The following CDK14 variants were observed in gnomAD, a reference collection of about 807,000 sequenced individuals.
CDK14 encodes the protein cyclin-dependent kinase 14.
A neutral mutation model predicts 60.7 loss-of-function variants in CDK14; 34 were observed. The observed-to-expected ratio is 0.56, with a 90% CI of 0.43 to 0.75. CDK14 has a LOEUF of 0.75. Ranked by LOEUF, CDK14 falls within the 30% of genes least tolerant of loss-of-function variation. The pLI, the probability that CDK14 is intolerant of heterozygous loss-of-function variation, is 0.00. For missense variants in CDK14, 482 were observed against 564.1 expected (o/e 0.85, Z 1.47); for synonymous variants, 197 against 203.7 (o/e 0.97, Z 0.28).
intron 4 of CDK14, among the ~76,000 whole-genome samples, chr7:90,775,613 A>T (rs1804992498): frequency 9.5e-6 from 1 of 105,230 alleles, no homozygotes; most frequent in African/African-American, 3.6e-5. Flanking sequence ...AAAAACGAAA[A>T]TACCTCCTCC....
At chr7:90,799,890 A>G (rs999851883) in intron 5 of CDK14, among the ~76,000 whole-genome samples, 1 of 152,106 alleles carries the variant, frequency 6.6e-6, no homozygotes, top group African/African-American at 2.4e-5. Context: ...GGACATGGGA[A>G]AAAATTTATT....
chr7:90,702,790 A>C (rs915413496), intron 2 of CDK14, among the ~76,000 whole-genome samples: 1 of 152,194 alleles, frequency 6.6e-6, no homozygotes, highest in Non-Finnish European at 1.5e-5. Context: ...AGTATGTACT[A>C]CATAAGTGGC....
rs193099113 is a variant in CDK14 at position 90,809,339 on chromosome 7, A to G, written c.544+18687A>G. Reference sequence around the variant, plus strand: ...AACTCACTCAAAACCGCTCAACTACATGGAAACTGAACAACCTGCTCCCGA... The same window carrying G: ...AACTCACTCAAAACCGCTCAACTACGTGGAAACTGAACAACCTGCTCCCGA... On this transcript the variant is annotated intron_variant, in intron 5 of 14. Transcript: ENST00000380050. 5.1e-3 allele frequency among the ~76,000 whole-genome samples: 782 copies of G among 152,318 alleles called. 5 individuals carry two copies. Among genetic ancestry groups the G allele is most frequent in the Non-Finnish European group, 6.6e-3 (449 of 68,026 alleles).
intron 5 of CDK14, among the ~76,000 whole-genome samples, chr7:90,848,517 A>G (rs1487868975): frequency 1.3e-5 from 2 of 152,198 alleles, no homozygotes; most frequent in African/African-American, 4.8e-5. Flanking sequence ...GCTACCTTGA[A>G]TAAGTGCATT....
chr7:91,170,076 G>C (rs1044962878), intron 14 of CDK14, among the ~76,000 whole-genome samples: 1 of 152,174 alleles, frequency 6.6e-6, no homozygotes, highest in African/African-American at 2.4e-5. Context: ...CAGGTTAACT[G>C]CTTGAGGTCT....
intron 2 of CDK14, chr7:90,709,548 G>A (rs200626528): frequency 8.2e-5 from 132 of 1,613,008 alleles, no homozygotes; most frequent in Non-Finnish European, 1.1e-4. Flanking sequence ...GCATATGCAC[G>A]GTTACTTTGG....
intron 3 of CDK14, among the ~76,000 whole-genome samples, chr7:90,738,894 A>ACTC (rs1353882756): frequency 1.7e-4 from 5 of 30,168 alleles, no homozygotes; most frequent in East Asian, 2.8e-3. Context: ...CTTCTGAATT[A>ACTC]TTCTTTTTTT....
intron 10 of CDK14, among the ~76,000 whole-genome samples, chr7:91,010,518 TGGTATTTTTGTTTAGAATTCTA>T (rs1796120599): frequency 6.6e-6 from 1 of 152,036 alleles, no homozygotes; most frequent in East Asian, 1.9e-4. Flanking sequence ...CTATTGTAAA[TGGTATTTTTGTTTAGAATTCTA>T]ATGTTTCATT....
intron 5 of CDK14, among the ~76,000 whole-genome samples, chr7:90,856,243 C>T (rs537570769): frequency 1.1e-4 from 16 of 152,136 alleles, no homozygotes; most frequent in African/African-American, 3.6e-4. Flanking sequence ...TTTATTTTAA[C>T]CTTACGTTTA....
At position 90,666,093 on chromosome 7, in the gene CDK14, G is replaced by A. The variant is rs572800401; in HGVS notation, c.124-60474G>A. Among the ~76,000 whole-genome samples the A allele has an allele frequency of 2.6e-5, 4 of 152,200 alleles. No individual in the cohort carries two copies. The South Asian group carries it at 8.3e-4, about 32-fold the overall frequency. ...CTTCTGCCAGCCCTTGTCCTCTGATGTACTTCCATTGCCCAGTAATAGGTG... is the reference window on the plus strand; with the variant it reads ...CTTCTGCCAGCCCTTGTCCTCTGATATACTTCCATTGCCCAGTAATAGGTG... On this transcript the variant is annotated intron_variant, in intron 2 of 14. Coordinates refer to ENST00000380050, the MANE Select transcript of CDK14 (RefSeq NM_001287135.2).
intron 3 of CDK14, among the ~76,000 whole-genome samples, chr7:90,734,358 C>A (rs139937015): frequency 0.14 from 20,903 of 152,132 alleles, 1,688 homozygotes; most frequent in Middle Eastern, 0.24. Context: ...GTTGTCCTGC[C>A]TTGCTAGGTT....
At chr7:91,034,196 G>A (rs565522594) in intron 10 of CDK14, among the ~76,000 whole-genome samples, 32 of 152,074 alleles carry the variant, frequency 2.1e-4, no homozygotes, top group South Asian at 8.3e-4. Context: ...ACTAAGTGCT[G>A]CAGCCTCTGA....
At chr7:91,153,243 A>G (rs1438862934) in intron 14 of CDK14, among the ~76,000 whole-genome samples, 1 of 152,208 alleles carries the variant, frequency 6.6e-6, no homozygotes, top group Admixed American at 6.5e-5. Context: ...ATAATAACAG[A>G]TGCTGGTGAG....
At position 91,203,863 on chromosome 7, in the gene CDK14, TC is replaced by T. The variant is rs1373906372; in HGVS notation, c.*29-3300del. Among the ~76,000 whole-genome samples the T allele has an allele frequency of 3.3e-5, 5 of 152,174 alleles. No individual in the cohort carries two copies. The East Asian group carries it at 9.6e-4, about 29-fold the overall frequency. ...GTGCTTTCTCTTCTTGATGTCATGGTCCTCAAAAAGATGCCAGTGCCTAGAT... is the reference window on the plus strand; with the variant it reads ...GTGCTTTCTCTTCTTGATGTCATGGTCTCAAAAAGATGCCAGTGCCTAGAT... On this transcript the variant is annotated intron_variant, in intron 14 of 14. Coordinates refer to ENST00000380050, the MANE Select transcript of CDK14 (RefSeq NM_001287135.2).
chr7:90,775,490 A>C (rs1006802482), intron 4 of CDK14, among the ~76,000 whole-genome samples: 1 of 152,208 alleles, frequency 6.6e-6, no homozygotes, highest in Non-Finnish European at 1.5e-5. Context: ...TGAAATGGCA[A>C]CTTGACCTCA....
At chr7:90,837,330 C>T (rs1388669935) in intron 5 of CDK14, among the ~76,000 whole-genome samples, 2 of 150,912 alleles carry the variant, frequency 1.3e-5, no homozygotes, top group Non-Finnish European at 2.9e-5. Context: ...CTCTATCACC[C>T]AGGCTGGAAT....
chr7:91,130,983 C>T (rs1394448132), intron 14 of CDK14, among the ~76,000 whole-genome samples: 1 of 152,072 alleles, frequency 6.6e-6, no homozygotes, highest in Non-Finnish European at 1.5e-5. Context: ...GCCGAGCTCC[C>T]ATGAAGTAAC....
At chr7:91,071,539 A>G (rs1412560019) in intron 11 of CDK14, among the ~76,000 whole-genome samples, 4 of 152,218 alleles carry the variant, frequency 2.6e-5, no homozygotes, top group African/African-American at 4.8e-5. Flanking sequence ...CACGGATCGG[A>G]AGATCCCACT....
chr7:90,606,888 A>G (rs1799429653), intron 2 of CDK14, among the ~76,000 whole-genome samples: 1 of 152,232 alleles, frequency 6.6e-6, no homozygotes, highest in Admixed American at 6.5e-5. Flanking sequence ...CGGCCATGAC[A>G]TTCTCATTTG....
Sources: gnomAD v4.1 joint callset for allele counts (sites outside exome capture counted in the v4.1 genomes callset) on GRCh38, gnomAD v4.1.1 for gene constraint, MANE v1.5 for transcripts, NCBI Gene and HGNC (gene_info 2026-07-23, HGNC 2026-07-21) for gene names.